GRK4: variants seen among roughly 807,000 people sequenced by gnomAD.
GRK4 encodes G protein-coupled receptor kinase 2-like.
GRK4 carries 73 observed loss-of-function variants against 77.9 expected under a neutral mutation model. The observed-to-expected ratio is 0.94, with a 90% CI of 0.78 to 1.14. The LOEUF is 1.14. Ranked by LOEUF, GRK4 falls within the 50% of genes most tolerant of loss-of-function variation. GRK4 has a pLI of 0.00. For synonymous variants in GRK4, 257 were observed against 254.4 expected, an observed-to-expected ratio of 1.01 and a Z score of -0.10; for missense variants, 729 against 700.2, an observed-to-expected ratio of 1.04 and a Z score of -0.46.
chr4:3,035,434 G>C lies in GRK4; in HGVS notation c.1318G>C (p.Ala440Pro). 1 of 1,613,956 alleles carries C rather than the reference G, an allele frequency of 6.2e-7. No individual in the cohort carries two copies. Among genetic ancestry groups the C allele is most frequent in the Non-Finnish European group, 8.5e-7 (1 of 1,179,970 alleles). Reference protein sequence around the residue: ...SKRLGCRGEGAAGVKQHPVFK... With the variant: ...SKRLGCRGEGPAGVKQHPVFK... The stretch of plus-strand genomic sequence containing the variant: ...GCGGCTGGGCTGCAGGGGCGAGGGA[G>C]CGGCTGGGGTGAAGCAGCACCCCGT... The change falls in exon 13 of 16, where the codon GCG (alanine) becomes CCG (proline). Residue 440 changes from alanine to proline, a missense_variant. Physicochemically the swap from Ala to Pro is conservative, Grantham distance 27. Coordinates refer to ENST00000398052, the MANE Select transcript of GRK4 (RefSeq NM_182982.3).
intron 5 of GRK4, among the ~76,000 whole-genome samples, chr4:3,006,536 T>C (rs1731378874): frequency 6.6e-6 from 1 of 152,036 alleles, no homozygotes; most frequent in South Asian, 2.1e-4. Context: ...TCCTAGCACT[T>C]TGGGAGGCCA....
At chr4:2,965,078 C>T (rs1717111240) in intron 1 of GRK4, among the ~76,000 whole-genome samples, 2 of 152,190 alleles carry the variant, frequency 1.3e-5, no homozygotes, top group Admixed American at 6.5e-5. Flanking sequence ...ATTATGTGAC[C>T]TGTCATTATA....
At chr4:3,020,153 G>A (rs1180343265) in intron 9 of GRK4, among the ~76,000 whole-genome samples, 3 of 151,986 alleles carry the variant, frequency 2.0e-5, no homozygotes, top group Non-Finnish European at 2.9e-5. Context: ...ACAGGCACCC[G>A]CCACCATGCC....
chr4:2,975,571 GT>G (rs1254742505), intron 1 of GRK4, among the ~76,000 whole-genome samples: 1 of 152,132 alleles, frequency 6.6e-6, no homozygotes, highest in Non-Finnish European at 1.5e-5. Context: ...GCCCTCACCT[GT>G]GTTCACTGTG....
intron 7 of GRK4, among the ~76,000 whole-genome samples, chr4:3,012,276 A>C (rs375895290): frequency 6.6e-6 from 1 of 152,266 alleles, no homozygotes; most frequent in Non-Finnish European, 1.5e-5. Context: ...CGATAGGAAA[A>C]TAGTCACACA....
chr4:2,971,152 G>A (rs374062513), intron 1 of GRK4: 11 of 152,248 alleles, frequency 7.2e-5, no homozygotes, highest in East Asian at 3.9e-4. Flanking sequence ...TGTGTGCAAA[G>A]TTGCTTATTA....
intron 8 of GRK4, among the ~76,000 whole-genome samples, chr4:3,015,244 G>A (rs1261505842): frequency 6.6e-6 from 1 of 152,156 alleles, no homozygotes; most frequent in East Asian, 1.9e-4. Flanking sequence ...CTGGTTGAAG[G>A]GAGAGTGTGA....
At chr4:2,998,939 A>G (rs1728748549) in intron 4 of GRK4, among the ~76,000 whole-genome samples, 1 of 152,110 alleles carries the variant, frequency 6.6e-6, no homozygotes, top group African/African-American at 2.4e-5. Context: ...TAGTTGGAGG[A>G]CTCGCACTCC....
At chr4:3,001,720 T>A (rs1729889330) in intron 4 of GRK4, among the ~76,000 whole-genome samples, 1 of 152,218 alleles carries the variant, frequency 6.6e-6, no homozygotes, top group Admixed American at 6.5e-5. Flanking sequence ...AAATGGCAGC[T>A]ACTAATCATG....
intron 8 of GRK4, among the ~76,000 whole-genome samples, chr4:3,015,116 C>G (rs1209585574): frequency 6.6e-6 from 1 of 152,196 alleles, no homozygotes; most frequent in African/African-American, 2.4e-5. Flanking sequence ...CTGGTATGAG[C>G]TCAGGGGAGC....
At chr4:2,982,728 C>A (rs995261429) in intron 1 of GRK4, among the ~76,000 whole-genome samples, 2 of 152,160 alleles carry the variant, frequency 1.3e-5, no homozygotes, top group Non-Finnish European at 2.9e-5. Flanking sequence ...AAAAAATAAC[C>A]CATAACCAAA....
At chr4:3,012,838 A>T (rs1733291472) in intron 7 of GRK4, among the ~76,000 whole-genome samples, 1 of 152,194 alleles carries the variant, frequency 6.6e-6, no homozygotes, top group African/African-American at 2.4e-5. Context: ...ATTTTAAATT[A>T]AAAAATCAAG....
intron 2 of GRK4, among the ~76,000 whole-genome samples, chr4:2,984,815 A>G (rs1390449651): frequency 6.6e-6 from 1 of 152,012 alleles, no homozygotes; most frequent in Non-Finnish European, 1.5e-5. Context: ...TTCATTAAAA[A>G]TATATATTTT....
intron 7 of GRK4, among the ~76,000 whole-genome samples, chr4:3,012,661 C>A (rs901054038): frequency 6.6e-6 from 1 of 152,150 alleles, no homozygotes. Context: ...CACAGAGGCA[C>A]GGGGACCAGA....
At chr4:2,999,104 C>A (rs1728802797) in intron 4 of GRK4, among the ~76,000 whole-genome samples, 1 of 152,068 alleles carries the variant, frequency 6.6e-6, no homozygotes, top group African/African-American at 2.4e-5. Context: ...TAACAGAATA[C>A]CTGAGATTGG....
At chr4:3,031,362 A>T in intron 12 of GRK4, among the ~76,000 whole-genome samples, 1 of 152,198 alleles carries the variant, frequency 6.6e-6, no homozygotes, top group East Asian at 1.9e-4. Context: ...CTTGGAAAGC[A>T]GGGGTTTCCT....
intron 1 of GRK4, among the ~76,000 whole-genome samples, chr4:2,968,591 T>C (rs1003040638): frequency 6.6e-6 from 1 of 152,172 alleles, no homozygotes; most frequent in East Asian, 1.9e-4. Context: ...ACTGTTCCTA[T>C]AGCAATAAAC....
At position 3,016,253 on chromosome 4, in the gene GRK4, C is replaced by T. The variant is rs553446661; in HGVS notation, c.741+2425C>T. On this transcript the variant is annotated intron_variant, in intron 8 of 15. Coordinates refer to ENST00000398052, the MANE Select transcript of GRK4 (RefSeq NM_182982.3). ...TTAAAAGGCCAGGCACTGTGGCTCA[C>T]GCCCTGTAATCCCAGCACTTTGGGA... is the stretch of plus-strand genomic sequence containing the variant. Among the ~76,000 whole-genome samples, 14 of 150,186 alleles carry T rather than the reference C, an allele frequency of 9.3e-5. No homozygotes were observed. The East Asian group carries it at 2.7e-3, about 29-fold the overall frequency.
intron 12 of GRK4, among the ~76,000 whole-genome samples, chr4:3,033,820 C>T (rs188265448): frequency 1.3e-5 from 2 of 152,292 alleles, no homozygotes; most frequent in Admixed American, 6.5e-5. Flanking sequence ...CTCCTGACCT[C>T]GTGATCCACC....
Sources: gnomAD v4.1 joint callset for allele counts (sites outside exome capture counted in the v4.1 genomes callset) on GRCh38, gnomAD v4.1.1 for gene constraint, MANE v1.5 for transcripts, NCBI Gene and HGNC (gene_info 2026-07-23, HGNC 2026-07-21) for gene names.